The following HYCC1 variants were observed in gnomAD, a reference collection of about 807,000 sequenced individuals.
HYCC1 encodes the protein hyccin PI4KA lipid kinase complex subunit 1, also known as hyccin.
At chr7:22,922,163 A>G in the HYCC1 span, among the ~76,000 whole-genome samples, 1 of 151,760 alleles carries the variant, frequency 6.6e-6, no homozygotes, top group Non-Finnish European at 1.5e-5. Context: ...TATGAATAAT[A>G]AAGTTAATCT....
At chr7:23,013,918 G>C in the HYCC1 span, 1 of 469,046 alleles carries the variant, frequency 2.1e-6, no homozygotes. Context: ...CTCTCGGCTG[G>C]ACTCACCAGG....
chr7:22,995,821 G>A, the HYCC1 span, among the ~76,000 whole-genome samples: 5 of 152,190 alleles, frequency 3.3e-5, no homozygotes, highest in Admixed American at 2.0e-4. Context: ...AAGAGAGTAC[G>A]GAAAGAGGAA....
At chr7:23,011,135 C>T in the HYCC1 span, among the ~76,000 whole-genome samples, 1 of 152,168 alleles carries the variant, frequency 6.6e-6, no homozygotes, top group Admixed American at 6.5e-5. Flanking sequence ...GGTCCTCCTA[C>T]CTTGCTAGCT....
the HYCC1 span, among the ~76,000 whole-genome samples, chr7:23,009,888 C>T: frequency 1.3e-5 from 2 of 152,206 alleles, no homozygotes; most frequent in South Asian, 4.1e-4. Context: ...GTTCTTTTTC[C>T]TTAGTGCAGA....
chr7:22,949,929 T>C, the HYCC1 span, among the ~76,000 whole-genome samples: 4 of 152,082 alleles, frequency 2.6e-5, no homozygotes, highest in Non-Finnish European at 5.9e-5. Context: ...AAACTGCTTA[T>C]TAAATTTATA....
the HYCC1 span, among the ~76,000 whole-genome samples, chr7:22,950,064 T>A: frequency 6.6e-6 from 1 of 151,992 alleles, no homozygotes; most frequent in Non-Finnish European, 1.5e-5. Flanking sequence ...TTGCTCTCTA[T>A]CAGCTCTCCA....
At chr7:22,934,323 C>T in the HYCC1 span, 2 of 145,844 alleles carry the variant, frequency 1.4e-5, no homozygotes, top group Admixed American at 1.4e-4. Context: ...TCCTGTCTTA[C>T]TAGGATCTCT....
the HYCC1 span, among the ~76,000 whole-genome samples, chr7:22,915,562 C>T: frequency 2.0e-5 from 3 of 152,214 alleles, no homozygotes; most frequent in Non-Finnish European, 4.4e-5. Flanking sequence ...TGACTCCTTC[C>T]CAGATCTCGG....
the HYCC1 span, among the ~76,000 whole-genome samples, chr7:22,898,810 C>T: frequency 6.6e-6 from 1 of 151,402 alleles, no homozygotes; most frequent in Admixed American, 6.6e-5. Flanking sequence ...ACCATATTGG[C>T]CAGGCCGGTC....
the HYCC1 span, among the ~76,000 whole-genome samples, chr7:22,915,363 G>A: frequency 1.3e-5 from 2 of 152,188 alleles, no homozygotes; most frequent in Non-Finnish European, 2.9e-5. Flanking sequence ...GTATTCCTTC[G>A]GGACCTCATC....
At chr7:22,969,331 T>C in the HYCC1 span, among the ~76,000 whole-genome samples, 4 of 151,514 alleles carry the variant, frequency 2.6e-5, no homozygotes, top group African/African-American at 9.7e-5. Context: ...TGTGTGTGTG[T>C]GTGTGTGTAT....
chr7:22,939,728 G>C, the HYCC1 span: 3 of 152,128 alleles, frequency 2.0e-5, no homozygotes, highest in African/African-American at 7.2e-5. Context: ...CCTAAGACCT[G>C]TGTTCAAGGC....
the HYCC1 span, chr7:22,947,064 T>C: frequency 7.4e-4 from 1,149 of 1,550,438 alleles, 1 homozygote; most frequent in Middle Eastern, 7.3e-3. Flanking sequence ...TGGCAAGCCT[T>C]TGCTCTCAGT....
chr7:22,987,304 T>C, the HYCC1 span, among the ~76,000 whole-genome samples: 2 of 152,144 alleles, frequency 1.3e-5, no homozygotes, highest in Non-Finnish European at 2.9e-5. Flanking sequence ...CCCAACACAT[T>C]TGGGAGGCCA....
chr7:22,983,676 G>A, the HYCC1 span: 1 of 409,400 alleles, frequency 2.4e-6, no homozygotes, highest in South Asian at 2.9e-5. Context: ...TCAAATACTT[G>A]CTGAATGAAT....
At chr7:23,014,129 C>G in the HYCC1 span, 1 of 467,596 alleles carries the variant, frequency 2.1e-6, no homozygotes, top group African/African-American at 2.0e-5. Flanking sequence ...GCCAGCCTCT[C>G]TGACAGGCAC....
the HYCC1 span, among the ~76,000 whole-genome samples, chr7:22,928,385 G>A: frequency 1.3e-5 from 2 of 152,162 alleles, no homozygotes; most frequent in East Asian, 3.8e-4. Flanking sequence ...AGGAAAAGAG[G>A]AAGTCAAATT....
chr7:22,927,033 C>G, the HYCC1 span, among the ~76,000 whole-genome samples: 18 of 152,180 alleles, frequency 1.2e-4, no homozygotes, highest in Non-Finnish European at 2.5e-4. Context: ...GAAACTCACT[C>G]AAAACTGCTC....
the HYCC1 span, among the ~76,000 whole-genome samples, chr7:22,970,272 G>T: frequency 1.4e-5 from 2 of 141,174 alleles, no homozygotes; most frequent in African/African-American, 2.6e-5. Flanking sequence ...TAAAACTGAT[G>T]ATTTTATTTA....
Sources: gnomAD v4.1 joint callset for allele counts (sites outside exome capture counted in the v4.1 genomes callset) on GRCh38, gnomAD v4.1.1 for gene constraint, MANE v1.5 for transcripts, NCBI Gene and HGNC (gene_info 2026-07-23, HGNC 2026-07-21) for gene names.